The following FBXW11 variants were observed in gnomAD, a reference collection of about 807,000 sequenced individuals.
The protein encoded by FBXW11 is F-box/WD repeat-containing protein 11.
A neutral mutation model predicts 77.6 loss-of-function variants in FBXW11; 19 were observed. The ratio of observed to expected loss-of-function variants is 0.24; its 90% CI spans 0.17 to 0.36. FBXW11 has a LOEUF of 0.36. Among genes scored for constraint, FBXW11 ranks in the 10% least tolerant of loss-of-function variants. The pLI is 1.00. For synonymous variants in FBXW11, 235 were observed against 249.4 expected (o/e 0.94, Z 0.54); for missense variants, 334 against 704.2 (o/e 0.47, Z 5.95).
chr5:171,907,990 G>T (rs1347810833), intron 4 of FBXW11, among the ~76,000 whole-genome samples: 1 of 152,124 alleles, frequency 6.6e-6, no homozygotes, highest in African/African-American at 2.4e-5. Context: ...TTACAGGGAA[G>T]AAAATAAAAC....
intron 1 of FBXW11, chr5:171,997,049 T>A: frequency 7.8e-7 from 1 of 1,289,794 alleles, no homozygotes; most frequent in Non-Finnish European, 1.0e-6. Context: ...TGCACTTCGG[T>A]AACTGTTGAA....
chr5:172,001,791 G>A (rs1374389586), intron 1 of FBXW11, among the ~76,000 whole-genome samples: 1 of 152,248 alleles, frequency 6.6e-6, no homozygotes, highest in Non-Finnish European at 1.5e-5. Context: ...ATAAATGAAA[G>A]AGAAGATTGC....
At chr5:171,868,321 G>A (rs761929056) in intron 13 of FBXW11, among the ~76,000 whole-genome samples, 11 of 151,998 alleles carry the variant, frequency 7.2e-5, no homozygotes, top group Non-Finnish European at 1.3e-4. Flanking sequence ...ACATTTTACT[G>A]GTGTTAAATT....
intron 7 of FBXW11, among the ~76,000 whole-genome samples, chr5:171,880,951 C>T (rs1758460568): frequency 6.6e-6 from 1 of 152,220 alleles, no homozygotes; most frequent in Admixed American, 6.5e-5. Context: ...CCACCTCGGC[C>T]TCCCTAAAGT....
intron 4 of FBXW11, among the ~76,000 whole-genome samples, chr5:171,902,078 G>A (rs1191033870): frequency 2.6e-5 from 4 of 152,142 alleles, no homozygotes; most frequent in Non-Finnish European, 5.9e-5. Flanking sequence ...CCCACACTGC[G>A]ACATCCGGTC....
intron 1 of FBXW11, among the ~76,000 whole-genome samples, chr5:171,962,088 T>G (rs985231996): frequency 1.3e-5 from 2 of 152,180 alleles, no homozygotes; most frequent in African/African-American, 4.8e-5. Context: ...TTAGCTAAAT[T>G]CACAGTACAG....
intron 1 of FBXW11, among the ~76,000 whole-genome samples, chr5:171,981,437 C>A (rs1397289485): frequency 6.6e-6 from 1 of 152,114 alleles, no homozygotes; most frequent in Admixed American, 6.6e-5. Context: ...CAAGTTATAA[C>A]CAAAAGTACC....
intron 2 of FBXW11, among the ~76,000 whole-genome samples, chr5:171,955,384 G>T (rs1268647231): frequency 5.3e-5 from 8 of 152,184 alleles, no homozygotes; most frequent in Non-Finnish European, 1.5e-5. Context: ...CCCTTCTCAG[G>T]CCTGCTCTAA....
At chr5:171,968,379 A>T (rs1049271828) in intron 1 of FBXW11, among the ~76,000 whole-genome samples, 2 of 150,440 alleles carry the variant, frequency 1.3e-5, no homozygotes, top group Non-Finnish European at 3.0e-5. Flanking sequence ...AATGGTGCGA[A>T]CCCGGGAGGC....
chr5:171,964,933 T>C (rs1764103560), intron 1 of FBXW11, among the ~76,000 whole-genome samples: 1 of 152,178 alleles, frequency 6.6e-6, no homozygotes, highest in Non-Finnish European at 1.5e-5. Flanking sequence ...TCTTAGCAAC[T>C]GTATTCTAGA....
chr5:171,930,464 T>C (rs1178577030), intron 2 of FBXW11, among the ~76,000 whole-genome samples: 2 of 152,122 alleles, frequency 1.3e-5, no homozygotes. Flanking sequence ...AATATACAGA[T>C]TGAGAAGAAA....
At chr5:171,873,179 T>C (rs963512551) in intron 9 of FBXW11, among the ~76,000 whole-genome samples, 189 bp from the exon 10 acceptor site, 1 of 152,152 alleles carries the variant, frequency 6.6e-6, no homozygotes, top group African/African-American at 2.4e-5. Flanking sequence ...GGCTGCTGAG[T>C]AATAACACTG....
At chr5:171,919,771 AC>A (rs1761470492) in intron 2 of FBXW11, among the ~76,000 whole-genome samples, 1 of 152,190 alleles carries the variant, frequency 6.6e-6, no homozygotes, top group Non-Finnish European at 1.5e-5. Context: ...GTAAGACACT[AC>A]CTTCCCAGTT....
At chr5:171,945,133 G>A (rs1043787427) in intron 2 of FBXW11, among the ~76,000 whole-genome samples, 3 of 152,160 alleles carry the variant, frequency 2.0e-5, no homozygotes, top group Non-Finnish European at 4.4e-5. Context: ...ACAGTGCTAA[G>A]CACTATGAAG....
chr5:171,999,242 T>C (rs1294683729), intron 1 of FBXW11, among the ~76,000 whole-genome samples: 3 of 152,170 alleles, frequency 2.0e-5, no homozygotes, highest in Non-Finnish European at 2.9e-5. Context: ...CAGTATACTA[T>C]GCTTTTCAAG....
intron 1 of FBXW11, among the ~76,000 whole-genome samples, chr5:171,963,198 C>A (rs62381959): frequency 3.3e-5 from 5 of 151,954 alleles, no homozygotes; most frequent in Non-Finnish European, 7.4e-5. Context: ...CACACACACA[C>A]ACACACACAT....
chr5:171,918,089 C>T (rs889400057), intron 2 of FBXW11, among the ~76,000 whole-genome samples: 1 of 151,892 alleles, frequency 6.6e-6, no homozygotes, highest in Non-Finnish European at 1.5e-5. Context: ...AAGGAAACAC[C>T]CACTTTGTTA....
chr5:171,874,135 C>T (rs60651690), intron 9 of FBXW11, among the ~76,000 whole-genome samples: 14,457 of 152,038 alleles, frequency 0.095, 2,252 homozygotes, highest in African/African-American at 0.33. Flanking sequence ...GGGACTTGTG[C>T]CCAGAATATA....
At chr5:171,955,213 G>C (rs1053679064) in intron 2 of FBXW11, among the ~76,000 whole-genome samples, 1 of 152,098 alleles carries the variant, frequency 6.6e-6, no homozygotes, top group African/African-American at 2.4e-5. Flanking sequence ...CGGCTTTTTC[G>C]AAAGGTAAAC....
Sources: gnomAD v4.1 joint callset for allele counts (sites outside exome capture counted in the v4.1 genomes callset) on GRCh38, gnomAD v4.1.1 for gene constraint, MANE v1.5 for transcripts, NCBI Gene and HGNC (gene_info 2026-07-23, HGNC 2026-07-21) for gene names.